The following NF1 variants were observed in gnomAD, a reference collection of about 807,000 sequenced individuals.
NF1 encodes neurofibromin 1, also known as neurofibromin.
Under a neutral mutation model 325.7 loss-of-function variants are expected in NF1, and 122 were observed. The observed-to-expected ratio is 0.37, with a 90% confidence interval of 0.32 to 0.44. NF1 has a LOEUF of 0.44. NF1 is among the 20% of genes least tolerant of loss of function. The pLI is 1.00. For missense variants in NF1, 2,140 were observed against 3,415.4 expected (o/e 0.63, Z 9.31); for synonymous variants, 1,091 against 1,186.0 (o/e 0.92, Z 1.65).
intron 37 of NF1, 27 bp downstream of exon 37, chr17:31,326,279 C>T (rs747219759): frequency 4.2e-5 from 67 of 1,592,682 alleles, no homozygotes; most frequent in Middle Eastern, 1.7e-4. Context: ...GTTTTGTAAA[C>T]GATTCATTGC....
intron 14 of NF1, among the ~76,000 whole-genome samples, chr17:31,220,907 A>G (rs1250692416): frequency 3.9e-5 from 6 of 152,272 alleles, no homozygotes; most frequent in East Asian, 1.9e-4. Flanking sequence ...TTTCCTTGAT[A>G]TGAGAGCTAT....
At chr17:31,365,319 T>C (rs2070493538) in intron 57 of NF1, among the ~76,000 whole-genome samples, 1 of 141,218 alleles carries the variant, frequency 7.1e-6, no homozygotes, top group Non-Finnish European at 1.5e-5. Flanking sequence ...AGAAAATGAA[T>C]TAATAGGATC....
At chr17:31,262,270 C>G (rs564261971) in intron 35 of NF1, among the ~76,000 whole-genome samples, 2 of 152,116 alleles carry the variant, frequency 1.3e-5, no homozygotes, top group South Asian at 4.2e-4. Flanking sequence ...TTTTCAGAAC[C>G]CTCATAAAGG....
Position 31,340,532 on chromosome 17 carries a change from T to G in NF1, c.6949T>G (p.Trp2317Gly), listed in dbSNP as rs1060500297. ...CTCGCCTCTGCACAAAGCCCTCTTT[T>G]GGGTAGCTGTGGCTGTGCTGCAGCT... ...KDSPLHKALF[W>G]VAVAVLQLDE... Residue 2317 changes from tryptophan (W) to glycine (G), a missense_variant, in exon 47 of 58, where the codon TGG (tryptophan) becomes GGG (glycine). Around this residue, in one of 10 missense-constraint regions of NF1, gnomAD observed 522 missense variants for 749.0 expected, o/e 0.70. Transcript: ENST00000358273. 6.2e-7 allele frequency: 1 copy of G among 1,614,178 alleles called. No homozygotes were observed.
At chr17:31,210,473 T>C (rs1597694042) in intron 12 of NF1, among the ~76,000 whole-genome samples, 1 of 152,010 alleles carries the variant, frequency 6.6e-6, no homozygotes, top group Admixed American at 6.6e-5. Context: ...TAGTTATAGC[T>C]ACTCAGGAGG....
rs17881753 is a variant in NF1 at position 31,226,466 on chromosome 17, C to T, written c.2033C>T (p.Pro678Leu). 229 of 1,613,768 alleles carry T rather than the reference C, an allele frequency of 1.4e-4. 1 individual carries two copies. The African/African-American group carries it at 1.9e-3, about 13-fold the overall frequency. ...DSAAGCSGTPPICRQAQTKLE... is the reference protein window; with the variant it reads ...DSAAGCSGTPLICRQAQTKLE... ...GCAGCAGGATGCAGCGGAACCCCCC[C>T]GATTTGCCGACAAGCCCAGACCAAA... is the stretch of plus-strand genomic sequence containing the variant. The change falls in exon 18 of 58, where the codon CCG becomes CTG. Residue 678 changes from proline (P) to leucine (L), a missense_variant. Physicochemically the swap from Pro to Leu is moderately conservative, Grantham distance 98 (BLOSUM62 -3). Transcript: ENST00000358273.
At chr17:31,320,564 C>T in intron 36 of NF1, 1 of 704,924 alleles carries the variant, frequency 1.4e-6, no homozygotes, top group Non-Finnish European at 2.3e-6. Context: ...TTGAGTTATG[C>T]AAACAAAAGT....
At chr17:31,171,522 T>C (rs981926380) in intron 5 of NF1, among the ~76,000 whole-genome samples, 1 of 152,198 alleles carries the variant, frequency 6.6e-6, no homozygotes, top group Non-Finnish European at 1.5e-5. Context: ...AAATGTTCAA[T>C]CCGTAATAAT....
intron 38 of NF1, among the ~76,000 whole-genome samples, chr17:31,328,294 TAAGAC>T (rs1234407985): frequency 6.6e-6 from 1 of 152,186 alleles, no homozygotes; most frequent in Non-Finnish European, 1.5e-5. Context: ...AAATAAATCT[TAAGAC>T]AAATAAGTCA....
Position 31,230,903 on chromosome 17 carries a change from G to C in NF1, c.3175G>C (p.Asp1059His), listed in dbSNP as rs765164994. Residue 1059 changes from aspartate to histidine, a missense_variant, in exon 24 of 58, where the codon GAT (aspartate) becomes CAT (histidine). Physicochemically the swap from Asp to His is moderately conservative, Grantham distance 81 (BLOSUM62 -1). This residue lies in a region of NF1 where 380 missense variants were observed against 639.3 expected (regional missense o/e 0.59). Transcript: ENST00000358273. ...GGGAACATCAAACCAAGCAGCAGATGATGATGTAAAATGTCTTACAAGGTA... is the reference window on the plus strand; with the variant it reads ...GGGAACATCAAACCAAGCAGCAGATCATGATGTAAAATGTCTTACAAGGTA... ...VMGTSNQAAD[D>H]DVKCLTRDLD... 3 of 1,610,954 alleles carry C rather than the reference G, an allele frequency of 1.9e-6. No individual in the cohort carries two copies. The highest frequency in any genetic ancestry group is 2.5e-6 in the Non-Finnish European group (3 of 1,178,570).
intron 36 of NF1, among the ~76,000 whole-genome samples, chr17:31,288,895 T>A (rs1204481527): frequency 6.6e-6 from 1 of 152,186 alleles, no homozygotes; most frequent in East Asian, 1.9e-4. Flanking sequence ...AACTTTTCTT[T>A]GATCTTTCTT....
chr17:31,188,531 A>C (rs1338514014), intron 8 of NF1, among the ~76,000 whole-genome samples: 1 of 152,122 alleles, frequency 6.6e-6, no homozygotes, highest in Non-Finnish European at 1.5e-5. Flanking sequence ...ATTATGTATG[A>C]TCTCAGGAGA....
At chr17:31,103,898 G>C (rs12939815) in intron 1 of NF1, among the ~76,000 whole-genome samples, 82,289 of 151,914 alleles carry the variant, frequency 0.54, 25,949 homozygotes, top group Middle Eastern at 0.76. Context: ...TTAGCCAAGT[G>C]TGGTAGTATA....
chr17:31,126,212 T>A (rs997661236), intron 1 of NF1, among the ~76,000 whole-genome samples: 4 of 152,248 alleles, frequency 2.6e-5, no homozygotes, highest in Middle Eastern at 3.4e-3. Flanking sequence ...AAAAATTATG[T>A]ATCTGGTGGG....
At chr17:31,141,463 T>C (rs1239247300) in intron 1 of NF1, among the ~76,000 whole-genome samples, 3 of 152,184 alleles carry the variant, frequency 2.0e-5, no homozygotes, top group Non-Finnish European at 4.4e-5. Context: ...AGGGACATCA[T>C]TGATGGCCTT....
chr17:31,274,341 C>G (rs1308222760), intron 36 of NF1, among the ~76,000 whole-genome samples: 5 of 152,076 alleles, frequency 3.3e-5, no homozygotes. Context: ...CTAATGTTTT[C>G]ATCATATTGG....
intron 8 of NF1, among the ~76,000 whole-genome samples, chr17:31,186,237 A>G (rs2066236732): frequency 6.6e-6 from 1 of 151,880 alleles, no homozygotes; most frequent in Non-Finnish European, 1.5e-5. Flanking sequence ...CTCTCTCCCC[A>G]CCTATACTGA....
intron 50 of NF1, among the ~76,000 whole-genome samples, chr17:31,351,579 G>C (rs1327614086): frequency 6.6e-6 from 1 of 152,120 alleles, no homozygotes; most frequent in Non-Finnish European, 1.5e-5. Flanking sequence ...ACCATGCCCA[G>C]CTAATTTTTG....
chr17:31,189,568 A>T (rs2066303632), intron 8 of NF1, among the ~76,000 whole-genome samples: 1 of 152,128 alleles, frequency 6.6e-6, no homozygotes, highest in Admixed American at 6.6e-5. Context: ...GGCAACCAGT[A>T]ATCTAGTTTT....
Sources: gnomAD v4.1 joint callset for allele counts (sites outside exome capture counted in the v4.1 genomes callset) on GRCh38, gnomAD v4.1.1 for gene constraint, gnomAD v4.1.1 regional missense constraint, MANE v1.5 for transcripts, NCBI Gene and HGNC (gene_info 2026-07-23, HGNC 2026-07-21) for gene names.